RRM2: variants seen among roughly 807,000 people sequenced by gnomAD.
RRM2 encodes ribonucleotide reductase regulatory subunit M2, also known as ribonucleoside-diphosphate reductase subunit M2.
In RRM2, 6 loss-of-function variants were observed where a neutral mutation model predicts 45.9. The ratio of observed to expected loss-of-function variants is 0.13; its 90% CI spans 0.07 to 0.26. The LOEUF is 0.26. Ranked by LOEUF, RRM2 falls within the 10% of genes least tolerant of loss-of-function variation. The probability of loss-of-function intolerance (pLI) is 1.00; values close to 1 mark genes in which losing one functional copy is unlikely to be tolerated. For missense variants in RRM2, 343 were observed against 489.5 expected (o/e 0.70, Z 2.82); for synonymous variants, 177 against 173.0 (o/e 1.02, Z -0.18).
chr2:10,131,819 T>C (rs918518794), downstream of RRM2, among the ~76,000 whole-genome samples: 2 of 152,232 alleles, frequency 1.3e-5, no homozygotes, highest in Non-Finnish European at 1.5e-5. Flanking sequence ...CTTGTGCCTA[T>C]TGGCACAAGG....
intron 3 of RRM2, among the ~76,000 whole-genome samples, chr2:10,209,782 T>G (rs1218305227): frequency 6.6e-6 from 1 of 152,224 alleles, no homozygotes; most frequent in Non-Finnish European, 1.5e-5. Flanking sequence ...GGATACAATC[T>G]GGGCTCAGTG....
rs1434794618 is a variant in RRM2, at chr2:10,171,530, A to G, written n.482+29155A>G. Among the ~76,000 whole-genome samples the G allele has an allele frequency of 2.6e-5, 4 of 152,184 alleles. No homozygotes were observed. The highest frequency in any genetic ancestry group is 9.6e-5 in the African/African-American group (4 of 41,458). On this transcript the variant is annotated intron_variant and non_coding_transcript_variant, in intron 3 of 3. Transcript: ENST00000381786. The surrounding 1 kb of genome is among the most constrained non-coding windows in gnomAD (Gnocchi z 4.1). ...TCGAGTGAGCTAAGCAGGGCTTGGC[A>G]AGGTGGTGTCCCCCGGTCAGTGCCA...
chr2:10,122,735 G>C (rs374107868), upstream of RRM2: 10 of 1,552,570 alleles, frequency 6.4e-6, no homozygotes, highest in Admixed American at 1.8e-4. Flanking sequence ...GTGAGGGGTC[G>C]CCCGTGCACC....
exon 3 of RRM2, chr2:10,142,359 G>A: frequency 1.5e-6 from 2 of 1,373,774 alleles, no homozygotes; most frequent in South Asian, 1.1e-5. Context: ...GAAGCGGGAG[G>A]CAGTTGCAGC....
chr2:10,123,232 G>T, intron 2 of RRM2, 155 bp from the exon 3 acceptor site: 1 of 1,274,068 alleles, frequency 7.8e-7, no homozygotes, highest in Non-Finnish European at 1.1e-6. Context: ...TCGGGCGTGC[G>T]CTCCTCTGCT....
Position 10,205,014 on chromosome 2 carries a change from G to A in RRM2, n.483-5297G>A, listed in dbSNP as rs974287143. ...AGTGTGAGCAAAGTCAGACGCAGTG[G>A]TTACAAGCAACCCCACGTGGTCTGC... On this transcript the variant is annotated intron_variant and non_coding_transcript_variant, in intron 3 of 3. Transcript: ENST00000381786. The surrounding 1 kb of genome is among the most constrained non-coding windows in gnomAD (Gnocchi z 4.8). 3.3e-5 allele frequency among the ~76,000 whole-genome samples: 5 copies of A among 152,240 alleles called. No homozygotes were observed. Among genetic ancestry groups the A allele is most frequent in the Non-Finnish European group, 5.9e-5 (4 of 68,046 alleles).
In RRM2 at chr2:10,169,611, G is replaced by A. The variant is rs1663754561; in HGVS notation, n.482+27236G>A. Among the ~76,000 whole-genome samples, 1 of 152,150 alleles carries A rather than the reference G, an allele frequency of 6.6e-6. No homozygotes were observed. Among genetic ancestry groups the A allele is most frequent in the Non-Finnish European group, 1.5e-5 (1 of 68,036 alleles). ...CAGCAGAGGGAGGGCATTTGAAGAC[G>A]GCGGCTGCTCCTTGGAAGCTGGCAG... On this transcript the variant is annotated intron_variant and non_coding_transcript_variant, in intron 3 of 3. Coordinates refer to the RRM2 transcript ENST00000381786. This position sits in a 1 kb window ranked among gnomAD's most constrained non-coding sequence, Gnocchi z 5.1.
At chr2:10,134,233 C>T (rs976364620), downstream of RRM2, among the ~76,000 whole-genome samples, 3 of 150,652 alleles carry the variant, frequency 2.0e-5, no homozygotes, top group Non-Finnish European at 3.0e-5. Context: ...AGAATGACCT[C>T]TTTTGGGAAC....
intron 3 of RRM2, among the ~76,000 whole-genome samples, chr2:10,159,295 C>G (rs889115625): frequency 1.6e-4 from 25 of 152,208 alleles, no homozygotes. Context: ...CCAGAGGGAT[C>G]CGAGGAGGTG....
chr2:10,142,514 GC>G, intron 3 of RRM2: 2 of 824,826 alleles, frequency 2.4e-6, no homozygotes, highest in Non-Finnish European at 1.8e-6. Context: ...TCCAGGTACT[GC>G]CAGCCTCTGC....
intron 3 of RRM2, among the ~76,000 whole-genome samples, chr2:10,179,218 T>C (rs1407583498): frequency 6.6e-6 from 1 of 152,154 alleles, no homozygotes; most frequent in Non-Finnish European, 1.5e-5. Flanking sequence ...AGTGGCGCGA[T>C]CTCAGCTCAC....
intron 3 of RRM2, among the ~76,000 whole-genome samples, chr2:10,177,698 CCTTCCTT>C (rs1558398436): frequency 1.3e-4 from 17 of 129,112 alleles, no homozygotes; most frequent in African/African-American, 3.8e-4. Context: ...TTCCTTCCTT[CCTTCCTT>C]CCTCTCTCCC....
At position 10,161,124 on chromosome 2, in the gene RRM2, C is replaced by T. The variant is rs7578469; in HGVS notation, n.482+18749C>T. 7.4e-3 allele frequency among the ~76,000 whole-genome samples: 1,134 copies of T among 152,242 alleles called. 13 individuals carry two copies. The highest frequency in any genetic ancestry group is 0.026 in the African/African-American group (1,081 of 41,526). ...GCTCTGTGGCCCAGGCTGGAGTGTG[C>T]GTGATCTCAGCTCACTGCAACCTCC... On this transcript the variant is annotated intron_variant and non_coding_transcript_variant, in intron 3 of 3. Transcript: ENST00000381786.
intron 3 of RRM2, among the ~76,000 whole-genome samples, chr2:10,152,946 C>T (rs1170107826): frequency 6.6e-6 from 1 of 152,178 alleles, no homozygotes; most frequent in African/African-American, 2.4e-5. Flanking sequence ...GAAATTATAT[C>T]ACCACCTTGT....
chr2:10,166,646 G>A (rs1663689057), intron 3 of RRM2, among the ~76,000 whole-genome samples: 1 of 152,258 alleles, frequency 6.6e-6, no homozygotes, highest in Admixed American at 6.5e-5. Context: ...GTAGCTAGCA[G>A]GTGCAGAGGC....
chr2:10,210,721 G>T, exon 4 of RRM2: 2 of 789,718 alleles, frequency 2.5e-6, no homozygotes, highest in East Asian at 1.1e-4. Flanking sequence ...CCACAGGGTG[G>T]AGCACTGTGG....
rs367602479 is a variant in RRM2, at chr2:10,123,024, C to G, written c.141C>G (p.Thr47=). 3.2e-6 allele frequency: 5 copies of G among 1,567,046 alleles called. No homozygotes were observed. The African/African-American group carries it at 5.4e-5, about 17-fold the overall frequency. Residue 47 remains threonine (T), a synonymous_variant, in exon 2 of 10, where the codon ACC becomes ACG. Transcript: ENST00000304567. The stretch of plus-strand genomic sequence containing the variant: ...GGACCCGCGTCCTGGCCAGCAAGAC[C>G]GCGAGGAGGATCTTCCAGGAGCCCA... ...LSGTRVLASK[T]ARRIFQEPTE...
chr2:10,135,381 A>G (rs1662970579), downstream of RRM2, among the ~76,000 whole-genome samples: 1 of 152,202 alleles, frequency 6.6e-6, no homozygotes, highest in South Asian at 2.1e-4. Context: ...CAAGGTCTTT[A>G]TACTATTAGG....
intron 3 of RRM2, among the ~76,000 whole-genome samples, chr2:10,173,761 A>C (rs902240743): frequency 2.6e-5 from 4 of 152,230 alleles, no homozygotes; most frequent in Admixed American, 2.0e-4. Context: ...CAGTTCAGTG[A>C]AATTGGAGAG....
Sources: gnomAD v4.1 joint callset for allele counts (sites outside exome capture counted in the v4.1 genomes callset) on GRCh38, gnomAD v4.1.1 for gene constraint, Gnocchi (gnomAD v3.1) non-coding constraint, MANE v1.5 for transcripts, NCBI Gene and HGNC (gene_info 2026-07-23, HGNC 2026-07-21) for gene names.